Variants in GRID1 observed in about 807,000 individuals in gnomAD.
The protein encoded by GRID1 is glutamate receptor ionotropic, delta-1.
Under a neutral mutation model 98.0 loss-of-function variants are expected in GRID1, and 28 were observed. The ratio of observed to expected loss-of-function variants is 0.29; its 90% confidence interval spans 0.21 to 0.39. The LOEUF (loss-of-function observed/expected upper bound fraction) is 0.39, where lower values mean the gene tolerates loss of function less well. Among genes scored for constraint, GRID1 ranks in the 10% least tolerant of loss-of-function variants. The probability of loss-of-function intolerance (pLI) is 1.00; values close to 1 mark genes in which losing one functional copy is unlikely to be tolerated. For synonymous variants in GRID1, 553 were observed against 538.5 expected, an observed-to-expected ratio of 1.03 and a Z score of -0.37; for missense variants, 1,111 against 1,340.5, an observed-to-expected ratio of 0.83 and a Z score of 2.67.
chr10:85,725,044 G>A (rs1417924601), intron 10 of GRID1, among the ~76,000 whole-genome samples: 1 of 151,380 alleles, frequency 6.6e-6, no homozygotes, highest in South Asian at 2.1e-4. Flanking sequence ...CACCAAGAAG[G>A]CCCTTCTATC....
intron 8 of GRID1, among the ~76,000 whole-genome samples, chr10:85,755,311 T>C (rs558719567): frequency 1.3e-5 from 2 of 152,364 alleles, no homozygotes; most frequent in South Asian, 4.1e-4. Flanking sequence ...TGGGATTTCA[T>C]TCAGCTGGAA....
chr10:86,260,965 C>T (rs900540902), intron 2 of GRID1, among the ~76,000 whole-genome samples: 1 of 152,228 alleles, frequency 6.6e-6, no homozygotes, highest in Admixed American at 6.5e-5. Flanking sequence ...CCTGGAGAGC[C>T]TTCTCCTAGC....
chr10:85,966,542 G>A (rs189930417), intron 4 of GRID1, among the ~76,000 whole-genome samples: 112 of 152,192 alleles, frequency 7.4e-4, no homozygotes, highest in African/African-American at 2.6e-3. Context: ...GGCCAGATAC[G>A]GTGGCTCACA....
intron 2 of GRID1, among the ~76,000 whole-genome samples, chr10:86,308,331 C>T (rs1159749226): frequency 6.6e-6 from 1 of 152,230 alleles, no homozygotes; most frequent in African/African-American, 2.4e-5. Context: ...GAGGCCCTAG[C>T]CCCTGGTCCC....
At chr10:86,177,178 T>C (rs1451338966) in intron 3 of GRID1, among the ~76,000 whole-genome samples, 2 of 148,892 alleles carry the variant, frequency 1.3e-5, no homozygotes, top group South Asian at 2.1e-4. Context: ...AGCAAGAAAA[T>C]CCTAGGGAGG....
intron 4 of GRID1, among the ~76,000 whole-genome samples, chr10:86,078,002 T>C (rs1843908877): frequency 6.6e-6 from 1 of 152,232 alleles, no homozygotes; most frequent in African/African-American, 2.4e-5. Context: ...GCCAACATCC[T>C]GATGCATGGC....
chr10:85,653,811 G>A (rs1314609852), intron 12 of GRID1, among the ~76,000 whole-genome samples: 6 of 152,106 alleles, frequency 3.9e-5, no homozygotes, highest in East Asian at 1.9e-4. Context: ...CGTGTGATGC[G>A]CTGCACCACC....
chr10:86,265,479 G>A (rs1206242798), intron 2 of GRID1, among the ~76,000 whole-genome samples: 1 of 152,236 alleles, frequency 6.6e-6, no homozygotes, highest in Non-Finnish European at 1.5e-5. Context: ...CACAGGCATA[G>A]AGCTATTAAG....
At chr10:85,837,726 G>T (rs1167241604) in intron 8 of GRID1, among the ~76,000 whole-genome samples, 2 of 152,004 alleles carry the variant, frequency 1.3e-5, no homozygotes, top group Non-Finnish European at 2.9e-5. Flanking sequence ...GCACAAGAAT[G>T]CTGAAAACTC....
chr10:86,071,491 C>T (rs1843804047), intron 4 of GRID1, among the ~76,000 whole-genome samples: 1 of 152,244 alleles, frequency 6.6e-6, no homozygotes. Context: ...AGATGCTCAG[C>T]AAATAATAAC....
At chr10:86,350,626 G>A (rs1848450016) in intron 2 of GRID1, among the ~76,000 whole-genome samples, 2 of 152,162 alleles carry the variant, frequency 1.3e-5, no homozygotes, top group Non-Finnish European at 2.9e-5. Context: ...TGGGCAGTTT[G>A]TAATGTATTG....
At chr10:85,879,426 A>C (rs1264531649) in intron 5 of GRID1, among the ~76,000 whole-genome samples, 1 of 152,370 alleles carries the variant, frequency 6.6e-6, no homozygotes, top group East Asian at 1.9e-4. Context: ...ACTGTCTCTC[A>C]GACCACAGTG....
intron 2 of GRID1, among the ~76,000 whole-genome samples, chr10:86,316,439 C>A (rs189847172): frequency 2.6e-5 from 4 of 152,260 alleles, no homozygotes; most frequent in Non-Finnish European, 5.9e-5. Flanking sequence ...CAATCCCCCC[C>A]ATCAGGCACA....
At chr10:86,175,937 G>A (rs550833357) in intron 3 of GRID1, among the ~76,000 whole-genome samples, 10 of 152,326 alleles carry the variant, frequency 6.6e-5, no homozygotes, top group Non-Finnish European at 1.0e-4. Flanking sequence ...TCGAACTGCC[G>A]GCTTCAGGTG....
chr10:85,951,261 A>T (rs897479399), intron 4 of GRID1, among the ~76,000 whole-genome samples: 2 of 152,160 alleles, frequency 1.3e-5, no homozygotes, highest in African/African-American at 4.8e-5. Context: ...TAGTACATGC[A>T]TGTTTGTTGA....
intron 12 of GRID1, among the ~76,000 whole-genome samples, chr10:85,701,224 T>A (rs1221461807): frequency 1.3e-5 from 2 of 152,146 alleles, no homozygotes; most frequent in Non-Finnish European, 2.9e-5. Flanking sequence ...TTTCTTCTTA[T>A]ATTTACAGAG....
In GRID1 at chr10:86,365,794, C is replaced by G. The variant is rs2132126400; in HGVS notation, c.79+520G>C. Among the ~76,000 whole-genome samples the G allele has an allele frequency of 6.6e-6, 1 of 152,236 alleles. No individual in the cohort carries two copies. Among genetic ancestry groups the G allele is most frequent in the South Asian group, 2.1e-4 (1 of 4,826 alleles). On this transcript the variant is annotated intron_variant, in intron 1 of 15. Transcript: ENST00000327946. This position sits in a 1 kb window ranked among gnomAD's most constrained non-coding sequence, Gnocchi z 4.8. ...ACGCACCAACACACGCTCAGATGGC[C>G]CCACACACCCCAACACCCTCTCACA... is the stretch of plus-strand genomic sequence containing the variant.
At chr10:86,234,619 C>G (rs1002330870) in intron 2 of GRID1, among the ~76,000 whole-genome samples, 1 of 152,164 alleles carries the variant, frequency 6.6e-6, no homozygotes, top group African/African-American at 2.4e-5. Context: ...TGGCCCAAGC[C>G]CCCCCAGGTT....
At chr10:85,840,221 G>A (rs556848269) in intron 8 of GRID1, among the ~76,000 whole-genome samples, 113 of 152,200 alleles carry the variant, frequency 7.4e-4, no homozygotes, top group African/African-American at 2.6e-3. Context: ...CTAAAAAATT[G>A]AGGAGGAGAA....
Sources: allele counts gnomAD v4.1 joint callset (sites outside exome capture counted in the v4.1 genomes callset), GRCh38; gene constraint gnomAD v4.1.1; non-coding constraint Gnocchi (gnomAD v3.1); transcripts MANE v1.5; gene names NCBI Gene and HGNC (gene_info 2026-07-23, HGNC 2026-07-21).